Variants in NCOR1 observed in about 807,000 individuals in gnomAD.
NCOR1 encodes protein phosphatase 1, regulatory subunit 109.
In NCOR1, 63 loss-of-function variants were observed where a neutral mutation model predicts 288.1. The ratio of observed to expected loss-of-function variants is 0.22; its 90% CI spans 0.18 to 0.27. The LOEUF is 0.27. Ranked by LOEUF, NCOR1 falls within the 10% of genes least tolerant of loss-of-function variation. The pLI, the probability that NCOR1 is intolerant of heterozygous loss-of-function variation, is 1.00. For missense variants in NCOR1, 2,397 were observed against 3,019.2 expected (o/e 0.79, Z 4.83); for synonymous variants, 1,007 against 1,065.9 (o/e 0.94, Z 1.08).
intron 4 of NCOR1, among the ~76,000 whole-genome samples, chr17:16,170,961 C>T (rs1409249395): frequency 6.6e-6 from 1 of 151,658 alleles, no homozygotes; most frequent in Non-Finnish European, 1.5e-5. Context: ...CTTAATAGAA[C>T]TCGCATTGTT....
chr17:16,146,220 T>A (rs1374205270), intron 10 of NCOR1, among the ~76,000 whole-genome samples, 156 bp downstream of exon 10: 2 of 152,128 alleles, frequency 1.3e-5, no homozygotes, highest in Non-Finnish European at 2.9e-5. Context: ...GTTTATCTGC[T>A]GACCTTCCCT....
In NCOR1 at chr17:16,057,738, C is replaced by T. The variant is rs2060095410; in HGVS notation, c.6169-1G>A. On this transcript the variant is annotated splice_acceptor_variant, in intron 39 of 45. Transcript: ENST00000268712. LOFTEE classifies it high-confidence loss of function. ...TAGCAAAATCTTGTGTGATAATTTGCTGTGAATGAGAAATGAAGGAAGTGG... is the reference window on the plus strand; with the variant it reads ...TAGCAAAATCTTGTGTGATAATTTGTTGTGAATGAGAAATGAAGGAAGTGG... The T allele has an allele frequency of 6.2e-7, 1 of 1,612,928 alleles. No individual in the cohort carries two copies. The highest frequency in any genetic ancestry group is 1.3e-5 in the African/African-American group (1 of 74,772).
intron 4 of NCOR1, among the ~76,000 whole-genome samples, chr17:16,166,278 T>C (rs1483441699): frequency 6.6e-6 from 1 of 152,254 alleles, no homozygotes; most frequent in Non-Finnish European, 1.5e-5. Flanking sequence ...GCATCTGGCA[T>C]ACAGTCAATC....
In NCOR1 at chr17:16,148,079, A is replaced by T. The variant is rs549275669; in HGVS notation, c.909+1372T>A. ...TGATCTGCCCTCCTTGGCCTTCCAA[A>T]GTGCTGGGATTACAGGCGTGAGCCA... On this transcript the variant is annotated intron_variant, in intron 9 of 45. Transcript: ENST00000268712. 1.3e-3 allele frequency among the ~76,000 whole-genome samples: 201 copies of T among 152,338 alleles called. 1 individual carries two copies. Among genetic ancestry groups the T allele is most frequent in the African/African-American group, 4.6e-3 (191 of 41,574 alleles).
intron 38 of NCOR1, 111 bp downstream of exon 38, chr17:16,058,360 C>T: frequency 1.5e-6 from 2 of 1,373,730 alleles, no homozygotes; most frequent in East Asian, 2.3e-5. Flanking sequence ...TGTAAGATTA[C>T]CCTAAAACAA....
rs2073997602 is a variant in NCOR1, at chr17:16,126,115, T to A, written c.1601A>T (p.Asp534Val). ...KTEKKEEEKK[D>V]EEEKDEKEDS... is the part of the protein sequence containing the mutation. ...TTCTTTTTCATCTTTTTCCTCTTCA[T>A]CTTTCTTTTCTTCTTCTTTTTTTTC... is the stretch of plus-strand genomic sequence containing the variant. Residue 534 changes from aspartate (D) to valine (V), a missense_variant, in exon 15 of 46, where the codon GAT becomes GTT. Physicochemically the swap from Asp to Val is radical, Grantham distance 152. Transcript: ENST00000268712. 6.8e-7 allele frequency: 1 copy of A among 1,471,086 alleles called. No homozygotes were observed. Among genetic ancestry groups the A allele is most frequent in the Non-Finnish European group, 9.3e-7 (1 of 1,079,944 alleles). 91.1% of individuals were successfully genotyped at this position (1,471,086 alleles called of 1,614,324 possible). A position where few individuals can be genotyped will look rare whatever the true frequency, so the allele number is the denominator to read the frequency against.
chr17:16,109,048 T>A, intron 18 of NCOR1, 136 bp from the exon 19 acceptor site: 1 of 693,824 alleles, frequency 1.4e-6, no homozygotes, highest in Non-Finnish European at 2.1e-6. Context: ...TAGTTCTGGT[T>A]AAAGTGCAGA....
At chr17:16,071,698 T>C (rs2061777833) in intron 29 of NCOR1, 33 bp from the exon 30 acceptor site, 4 of 1,583,478 alleles carry the variant, frequency 2.5e-6, no homozygotes, top group Non-Finnish European at 1.7e-6. Context: ...ATTAAAATAA[T>C]GCTGATGGTT....
chr17:16,080,427 T>C lies in NCOR1; in HGVS notation c.3381A>G (p.Gln1127=). 6.2e-7 allele frequency: 1 copy of C among 1,614,076 alleles called. No individual in the cohort carries two copies. Among genetic ancestry groups the C allele is most frequent in the Non-Finnish European group, 8.5e-7 (1 of 1,179,920 alleles). Residue 1127 remains glutamine (Q), a synonymous_variant, in exon 25 of 46, where the codon CAA becomes CAG. Transcript: ENST00000268712. ...TTTTACCTCTGACTACACCTTCATG[T>C]TGGGCCCTGACCAACAGACCCTCAG... ...SQPEGLLVRA[Q]HEGVVRGTAG...
chr17:16,044,996 T>C, intron 42 of NCOR1: 1 of 404,210 alleles, frequency 2.5e-6, no homozygotes, highest in Non-Finnish European at 4.5e-6. Flanking sequence ...AAGCTGAACT[T>C]AAGAAAAAAA....
chr17:16,199,969 A>G (rs536371125), intron 1 of NCOR1, among the ~76,000 whole-genome samples: 51 of 152,326 alleles, frequency 3.3e-4, no homozygotes, highest in Non-Finnish European at 5.4e-4. Flanking sequence ...GCAAAATGAA[A>G]TTGATCTATT....
At chr17:16,211,536 A>G (rs1269781549) in intron 1 of NCOR1, among the ~76,000 whole-genome samples, 1 of 152,166 alleles carries the variant, frequency 6.6e-6, no homozygotes, top group East Asian at 1.9e-4. Flanking sequence ...CCCTGCCATT[A>G]ACATTTTATT....
chr17:16,162,088 C>CA (rs914651273), intron 5 of NCOR1, among the ~76,000 whole-genome samples: 7 of 148,368 alleles, frequency 4.7e-5, no homozygotes, highest in South Asian at 2.1e-4. Flanking sequence ...TCAATGAAAG[C>CA]AAAAAAAAAA....
chr17:16,208,035 C>CTTTTTTTTTTTTTTTTT (rs71150278), intron 1 of NCOR1, among the ~76,000 whole-genome samples: 1 of 72,570 alleles, frequency 1.4e-5, no homozygotes, highest in Non-Finnish European at 2.5e-5. Context: ...ATATTTCTTT[C>CTTTTTTTTTTTTTTTTT]TTTTTTTTTT....
rs185488986 is a variant in NCOR1 at position 16,136,493 on chromosome 17, G to A, written c.1509+818C>T. The stretch of plus-strand genomic sequence containing the variant: ...AGGTGTGAGCCACTACACCCAGACA[G>A]AAAAAGTGCTTTTTAGAAATTAAAT... On this transcript the variant is annotated intron_variant, in intron 14 of 45. Transcript: ENST00000268712. Among the ~76,000 whole-genome samples the A allele has an allele frequency of 9.2e-5, 14 of 152,216 alleles. No individual in the cohort carries two copies. The East Asian group carries it at 2.7e-3, about 29-fold the overall frequency.
chr17:16,106,086 G>A (rs914133028), intron 19 of NCOR1, among the ~76,000 whole-genome samples: 10 of 152,038 alleles, frequency 6.6e-5, no homozygotes, highest in African/African-American at 1.4e-4. Context: ...GGCAACAAGC[G>A]CGAGACTCCA....
At chr17:16,054,234 C>A (rs2059658515) in intron 40 of NCOR1, among the ~76,000 whole-genome samples, 1 of 151,966 alleles carries the variant, frequency 6.6e-6, no homozygotes, top group Admixed American at 6.6e-5. Context: ...AGCTTCTGCA[C>A]AGAAAAGGAA....
At chr17:16,182,888 T>C (rs183556020) in intron 3 of NCOR1, among the ~76,000 whole-genome samples, 31 of 152,036 alleles carry the variant, frequency 2.0e-4, no homozygotes, top group African/African-American at 6.7e-4. Flanking sequence ...AAGGACAATA[T>C]AAAGTTTCCT....
intron 5 of NCOR1, among the ~76,000 whole-genome samples, chr17:16,164,166 G>A (rs566429390): frequency 8.6e-5 from 13 of 151,884 alleles, no homozygotes; most frequent in Admixed American, 7.2e-4. Flanking sequence ...ACTTGAACCT[G>A]GGAGACAGAG....
Sources: gnomAD v4.1 joint callset for allele counts (sites outside exome capture counted in the v4.1 genomes callset) on GRCh38, gnomAD v4.1.1 for gene constraint, MANE v1.5 for transcripts, NCBI Gene and HGNC (gene_info 2026-07-23, HGNC 2026-07-21) for gene names.